GSTCD: variants seen among roughly 807,000 people sequenced by gnomAD.
GSTCD encodes the protein glutathione S-transferase C-terminal domain containing.
Under a neutral mutation model 68.3 loss-of-function variants are expected in GSTCD, and 44 were observed. The ratio of observed to expected loss-of-function variants is 0.64; its 90% CI spans 0.51 to 0.83. GSTCD has a LOEUF of 0.83. Among genes scored for constraint, GSTCD ranks in the 40% least tolerant of loss-of-function variants. GSTCD has a pLI of 0.00. For synonymous variants in GSTCD, 273 were observed against 255.2 expected, an observed-to-expected ratio of 1.07 and a Z score of -0.67; for missense variants, 739 against 735.9, an observed-to-expected ratio of 1.00 and a Z score of -0.05.
chr4:105,755,170 C>T (rs1322044249), intron 5 of GSTCD, among the ~76,000 whole-genome samples: 1 of 150,640 alleles, frequency 6.6e-6, no homozygotes, highest in Non-Finnish European at 1.5e-5. Context: ...TTGCTTGAGC[C>T]TGGGAGGTTG....
At chr4:105,784,208 GAATATCATAGACTAGGTAAATTATAA>G (rs1429107233) in intron 5 of GSTCD, among the ~76,000 whole-genome samples, 10 of 152,146 alleles carry the variant, frequency 6.6e-5, no homozygotes. Flanking sequence ...TGCTGTAACA[GAATATCATAGACTAGGTAAATTATAA>G]AAATAGAAAT....
At chr4:105,754,076 T>C (rs2149229599) in intron 5 of GSTCD, among the ~76,000 whole-genome samples, 2 of 152,232 alleles carry the variant, frequency 1.3e-5, no homozygotes, top group South Asian at 4.1e-4. Context: ...ACGATTGAAA[T>C]TGGCATTCTC....
Position 105,719,091 on chromosome 4 carries a change from C to G in GSTCD, c.458C>G (p.Thr153Ser). ...CAGTGGACCAGGCTATGTGAACTCA[C>G]CATCCCTTTGGCTATTGAGAATTTT... ...VSQWTRLCEL[T>S]IPLAIENFLR... Residue 153 changes from threonine (T) to serine (S), a missense_variant, in exon 3 of 12, where the codon ACC becomes AGC. Transcript: ENST00000515279. 6.2e-7 allele frequency: 1 copy of G among 1,613,968 alleles called. No homozygotes were observed. Among genetic ancestry groups the G allele is most frequent in the Non-Finnish European group, 8.5e-7 (1 of 1,179,916 alleles).
chr4:105,758,501 A>G (rs1472734264), intron 5 of GSTCD, among the ~76,000 whole-genome samples: 2 of 152,142 alleles, frequency 1.3e-5, no homozygotes, highest in Non-Finnish European at 2.9e-5. Flanking sequence ...CATTCTTGTC[A>G]TGTAATATGC....
At chr4:105,776,237 C>T (rs113359141) in intron 5 of GSTCD, among the ~76,000 whole-genome samples, 4,262 of 152,262 alleles carry the variant, frequency 0.028, 178 homozygotes, top group African/African-American at 0.089. Flanking sequence ...GTGCTGGCAG[C>T]GAGAATTTCA....
intron 5 of GSTCD, among the ~76,000 whole-genome samples, chr4:105,816,076 G>A (rs1385862757): frequency 6.6e-6 from 1 of 152,056 alleles, no homozygotes; most frequent in Non-Finnish European, 1.5e-5. Flanking sequence ...CTGTATGTAA[G>A]CTCTTCTATA....
At chr4:105,827,716 A>C (rs1723704077) in intron 8 of GSTCD, among the ~76,000 whole-genome samples, 1 of 152,158 alleles carries the variant, frequency 6.6e-6, no homozygotes, top group African/African-American at 2.4e-5. Context: ...ATGCATTAAA[A>C]CTGCATAAAT....
Position 105,732,694 on chromosome 4 carries a change from G to A in GSTCD, c.1240+3195G>A, listed in dbSNP as rs1466255611. ...GTTTTTTGTGTCTCTATCTCCTTCAGTTCTGCTCTGATCTCAGTTATTTCT... is the reference window on the plus strand; with the variant it reads ...GTTTTTTGTGTCTCTATCTCCTTCAATTCTGCTCTGATCTCAGTTATTTCT... On this transcript the variant is annotated intron_variant, in intron 5 of 11. Coordinates refer to ENST00000515279, the MANE Select transcript of GSTCD (RefSeq NM_001370181.1). 2.0e-5 allele frequency among the ~76,000 whole-genome samples: 3 copies of A among 152,196 alleles called. No individual in the cohort carries two copies. The East Asian group carries it at 5.8e-4, about 29-fold the overall frequency.
At chr4:105,712,630 T>G (rs976688806) in intron 1 of GSTCD, 2 of 152,250 alleles carry the variant, frequency 1.3e-5, no homozygotes, top group East Asian at 3.9e-4. Context: ...GTTAATAGGC[T>G]TTTGCAGTAG....
intron 5 of GSTCD, among the ~76,000 whole-genome samples, chr4:105,802,215 C>T (rs1736132251): frequency 6.6e-6 from 1 of 152,054 alleles, no homozygotes. Context: ...TCTCTAAATA[C>T]TTGAATATGT....
At chr4:105,809,951 T>A (rs545579244) in intron 5 of GSTCD, among the ~76,000 whole-genome samples, 1 of 152,252 alleles carries the variant, frequency 6.6e-6, no homozygotes, top group African/African-American at 2.4e-5. Flanking sequence ...TATTTGGATA[T>A]GATTCCTTAA....
intron 5 of GSTCD, among the ~76,000 whole-genome samples, chr4:105,741,738 C>A (rs1008043450): frequency 2.0e-5 from 3 of 152,020 alleles, no homozygotes; most frequent in African/African-American, 2.4e-5. Flanking sequence ...CTCATTACAT[C>A]CCTATAATTG....
chr4:105,816,474 T>C (rs1181867646), intron 5 of GSTCD, among the ~76,000 whole-genome samples: 1 of 152,112 alleles, frequency 6.6e-6, no homozygotes, highest in Non-Finnish European at 1.5e-5. Flanking sequence ...AGACCTCTAA[T>C]GCCTTAGCAA....
At chr4:105,842,964 G>A (rs893474756) in intron 11 of GSTCD, among the ~76,000 whole-genome samples, 5 of 152,148 alleles carry the variant, frequency 3.3e-5, no homozygotes, top group Admixed American at 2.6e-4. Context: ...AGATAAGTGG[G>A]TTCAGTCAAA....
chr4:105,721,364 A>G lies in GSTCD; in HGVS notation c.894+1837A>G, dbSNP rs188529953. On this transcript the variant is annotated intron_variant, in intron 3 of 11. Transcript: ENST00000515279. ...CAAGCCTTTTTGCTTGCATTAACAT[A>G]CATTGAGGTGAATGGAGTGGCCATC... 2.6e-3 allele frequency among the ~76,000 whole-genome samples: 394 copies of G among 152,346 alleles called. 1 individual carries two copies. The highest frequency in any genetic ancestry group is 8.9e-3 in the South Asian group (43 of 4,830).
intron 9 of GSTCD, among the ~76,000 whole-genome samples, chr4:105,837,157 GCTAGCCAATTC>G (rs1254640261): frequency 6.6e-6 from 1 of 152,104 alleles, no homozygotes; most frequent in East Asian, 1.9e-4. Flanking sequence ...TCCTCCCAGG[GCTAGCCAATTC>G]CTAGAGATAG....
intron 5 of GSTCD, among the ~76,000 whole-genome samples, chr4:105,814,486 A>G (rs1258212139): frequency 2.0e-5 from 3 of 152,028 alleles, no homozygotes; most frequent in African/African-American, 7.2e-5. Flanking sequence ...GATGGTGTGC[A>G]CCTGTAATCC....
intron 5 of GSTCD, among the ~76,000 whole-genome samples, chr4:105,787,746 A>G (rs939550631): frequency 6.6e-6 from 1 of 152,110 alleles, no homozygotes; most frequent in African/African-American, 2.4e-5. Context: ...GAAGCATTCA[A>G]TAAAATAGAA....
intron 5 of GSTCD, among the ~76,000 whole-genome samples, chr4:105,783,522 A>AT (rs918271346): frequency 1.4e-4 from 21 of 151,186 alleles, no homozygotes; most frequent in South Asian, 1.0e-3. Flanking sequence ...ATTTTGCCCA[A>AT]TTTTTTTTTA....
Sources: allele counts gnomAD v4.1 joint callset (sites outside exome capture counted in the v4.1 genomes callset), GRCh38; gene constraint gnomAD v4.1.1; transcripts MANE v1.5; gene names NCBI Gene and HGNC (gene_info 2026-07-23, HGNC 2026-07-21).